The following LAMA3 variants were observed in gnomAD, a reference collection of about 807,000 sequenced individuals.
LAMA3 encodes laminin subunit alpha-3.
LAMA3 carries 281 observed loss-of-function variants against 402.0 expected under a neutral mutation model. The observed-to-expected ratio is 0.70, with a 90% CI of 0.63 to 0.77. The LOEUF (loss-of-function observed/expected upper bound fraction) is 0.77, where lower values mean the gene tolerates loss of function less well. Ranked by LOEUF, LAMA3 falls within the 30% of genes least tolerant of loss-of-function variation. The pLI is 0.00. For missense variants in LAMA3, 3,840 were observed against 4,215.5 expected, an observed-to-expected ratio of 0.91 and a Z score of 2.47; for synonymous variants, 1,431 against 1,558.4, an observed-to-expected ratio of 0.92 and a Z score of 1.93.
chr18:23,942,913 TATG>T (rs1365163412), intron 68 of LAMA3, among the ~76,000 whole-genome samples: 2 of 152,166 alleles, frequency 1.3e-5, no homozygotes, highest in East Asian at 3.9e-4. Context: ...GCTTTTACTG[TATG>T]ATATTTGCCT....
chr18:23,759,330 CAAAAAAA>C (rs34457452), intron 7 of LAMA3, among the ~76,000 whole-genome samples: 2 of 112,618 alleles, frequency 1.8e-5, no homozygotes, highest in South Asian at 2.9e-4. Context: ...AAGATCCTGT[CAAAAAAA>C]AAAAAAAAAA....
intron 2 of LAMA3, among the ~76,000 whole-genome samples, chr18:23,719,522 T>C (rs1319106395): frequency 6.6e-6 from 1 of 152,170 alleles, no homozygotes; most frequent in Non-Finnish European, 1.5e-5. Flanking sequence ...GGAAAAATAT[T>C]AATAGGTCAC....
intron 2 of LAMA3, among the ~76,000 whole-genome samples, chr18:23,732,097 T>G (rs887896996): frequency 2.6e-5 from 4 of 152,158 alleles, no homozygotes; most frequent in African/African-American, 9.7e-5. Context: ...AGTGTGCATC[T>G]GGATCATTTA....
intron 68 of LAMA3, 141 bp from the exon 69 acceptor site, chr18:23,943,647 G>T: frequency 5.6e-6 from 4 of 719,682 alleles, no homozygotes; most frequent in Non-Finnish European, 9.7e-6. Context: ...AGAGAAACGG[G>T]TCATTTAATC....
chr18:23,842,739 T>C lies in LAMA3; in HGVS notation c.3592T>C (p.Ser1198Pro), dbSNP rs2063731913. Residue 1198 changes from serine to proline, a missense_variant, in exon 29 of 75, where the codon TCC becomes CCC. By Grantham distance (74) the Ser-to-Pro change is moderately conservative (BLOSUM62 -1). Transcript: ENST00000313654. ...AATVKVPEGK[S>P]LVLVRVLVVP... ...AACTGTGAAGGTTCCAGAAGGAAAG[T>C]CCTTGGTTTTGGTGCGTTCCACTCG... 6.2e-7 allele frequency: 1 copy of C among 1,614,240 alleles called. No individual in the cohort carries two copies. The highest frequency in any genetic ancestry group is 8.5e-7 in the Non-Finnish European group (1 of 1,180,042).
intron 12 of LAMA3, among the ~76,000 whole-genome samples, chr18:23,788,829 A>G (rs2062597184): frequency 6.6e-6 from 1 of 151,920 alleles, no homozygotes; most frequent in Admixed American, 6.6e-5. Flanking sequence ...AAGTGAAAAG[A>G]TAAATCATAG....
At chr18:23,752,844 C>A (rs1287677509) in intron 5 of LAMA3, among the ~76,000 whole-genome samples, 2 of 152,182 alleles carry the variant, frequency 1.3e-5, no homozygotes, top group African/African-American at 4.8e-5. Context: ...GGACAAAAAC[C>A]CTCTTGTCCT....
At chr18:23,908,158 G>T (rs1006991320) in intron 54 of LAMA3, among the ~76,000 whole-genome samples, 1 of 152,150 alleles carries the variant, frequency 6.6e-6, no homozygotes, top group Non-Finnish European at 1.5e-5. Context: ...AATGCTATTG[G>T]TTTGCTTTTT....
intron 41 of LAMA3, among the ~76,000 whole-genome samples, chr18:23,887,285 C>T (rs2065103186): frequency 6.6e-6 from 1 of 152,076 alleles, no homozygotes; most frequent in Non-Finnish European, 1.5e-5. Flanking sequence ...GAGGTATATC[C>T]AACCAGCGAG....
intron 1 of LAMA3, among the ~76,000 whole-genome samples, chr18:23,701,640 A>G (rs2060790988): frequency 6.6e-6 from 1 of 152,224 alleles, no homozygotes; most frequent in Non-Finnish European, 1.5e-5. Context: ...AAATTGATGA[A>G]GCCCTGCCCT....
intron 2 of LAMA3, among the ~76,000 whole-genome samples, chr18:23,731,391 T>C (rs2061392773): frequency 6.6e-6 from 1 of 152,258 alleles, no homozygotes. Flanking sequence ...ATTTTTTCTC[T>C]TCTTGTTAAG....
chr18:23,782,625 T>C (rs1289840562), intron 11 of LAMA3, among the ~76,000 whole-genome samples: 1 of 152,108 alleles, frequency 6.6e-6, no homozygotes, highest in Non-Finnish European at 1.5e-5. Context: ...TGAATATATA[T>C]GCTAATCCAG....
At chr18:23,859,989 A>G (rs138515215) in intron 34 of LAMA3, among the ~76,000 whole-genome samples, 132 of 152,308 alleles carry the variant, frequency 8.7e-4, no homozygotes, top group African/African-American at 2.8e-3. Flanking sequence ...TCAGAGTCCA[A>G]GGGTCTTAGA....
chr18:23,801,941 A>G (rs1475576697), intron 12 of LAMA3, among the ~76,000 whole-genome samples: 2 of 152,242 alleles, frequency 1.3e-5, no homozygotes, highest in Non-Finnish European at 2.9e-5. Context: ...TTACATACAT[A>G]TAACATACGC....
chr18:23,885,967 T>C (rs1222740635), intron 41 of LAMA3, among the ~76,000 whole-genome samples: 1 of 152,240 alleles, frequency 6.6e-6, no homozygotes, highest in African/African-American at 2.4e-5. Context: ...ACTTTCTGTT[T>C]TGACTTGTTT....
rs755656839 is a variant in LAMA3 at position 23,864,804 on chromosome 18, A to T, written c.4604A>T (p.Tyr1535Phe). 3 of 1,612,116 alleles carry T rather than the reference A, an allele frequency of 1.9e-6. No homozygotes were observed. The highest frequency in any genetic ancestry group is 1.3e-5 in the African/African-American group (1 of 74,842). Residue 1535 changes from tyrosine (Y) to phenylalanine (F), a missense_variant, in exon 36 of 75, where the codon TAC (tyrosine) becomes TTC (phenylalanine). Tyr to Phe is a conservative substitution (Grantham distance 22). Around this residue, in one of 3 missense-constraint regions of LAMA3, gnomAD observed 2,109 missense variants for 2,376.0 expected, o/e 0.89. Coordinates refer to ENST00000313654, the MANE Select transcript of LAMA3 (RefSeq NM_198129.4). ...LGDKVSSYGG[Y>F]LTYQAKSFGL... The stretch of plus-strand genomic sequence containing the variant: ...TTTTAGGTTTCTTCATATGGTGGTT[A>T]CCTCACTTACCAAGCCAAGTCCTTT...
chr18:23,790,692 A>G (rs1416224028), intron 12 of LAMA3, among the ~76,000 whole-genome samples: 1 of 151,894 alleles, frequency 6.6e-6, no homozygotes, highest in Non-Finnish European at 1.5e-5. Flanking sequence ...ACTGTTGCTC[A>G]GTAAATTGCA....
chr18:23,910,182 G>A (rs1048012029), intron 55 of LAMA3, among the ~76,000 whole-genome samples: 2 of 152,186 alleles, frequency 1.3e-5, no homozygotes, highest in East Asian at 1.9e-4. Context: ...AATTTGAAGT[G>A]TATTATAGCA....
At chr18:23,735,664 C>T (rs1352746066) in intron 2 of LAMA3, among the ~76,000 whole-genome samples, 2 of 152,174 alleles carry the variant, frequency 1.3e-5, no homozygotes, top group Non-Finnish European at 2.9e-5. Flanking sequence ...GGAATGGGCT[C>T]TTACTCCTCA....
Sources: gnomAD v4.1 joint callset for allele counts (sites outside exome capture counted in the v4.1 genomes callset) on GRCh38, gnomAD v4.1.1 for gene constraint, gnomAD v4.1.1 regional missense constraint, MANE v1.5 for transcripts, NCBI Gene and HGNC (gene_info 2026-07-23, HGNC 2026-07-21) for gene names.